SPAST: variants seen among roughly 807,000 people sequenced by gnomAD.
SPAST encodes the protein spastic paraplegia 4 (autosomal dominant; spastin).
A neutral mutation model predicts 76.6 loss-of-function variants in SPAST; 30 were observed. The observed-to-expected ratio is 0.39, with a 90% confidence interval of 0.29 to 0.53. The LOEUF is 0.53. Ranked by LOEUF, SPAST falls within the 20% of genes least tolerant of loss-of-function variation. The pLI is 0.68. For missense variants in SPAST, 717 were observed against 770.5 expected, an observed-to-expected ratio of 0.93 and a Z score of 0.82; for synonymous variants, 305 against 281.0, an observed-to-expected ratio of 1.09 and a Z score of -0.86.
At chr2:32,110,817 A>G (rs932007044) in intron 4 of SPAST, among the ~76,000 whole-genome samples, 29 of 119,014 alleles carry the variant, frequency 2.4e-4, no homozygotes, top group Non-Finnish European at 3.1e-4. Flanking sequence ...ACTATATAGT[A>G]TATAGAGTAT....
At chr2:32,124,887 G>A (rs899891150) in intron 7 of SPAST, among the ~76,000 whole-genome samples, 3 of 152,176 alleles carry the variant, frequency 2.0e-5, no homozygotes, top group Non-Finnish European at 4.4e-5. Context: ...AGGGAGACAG[G>A]GAGAGATGAA....
At chr2:32,096,351 C>G (rs892760161) in intron 3 of SPAST, among the ~76,000 whole-genome samples, 1 of 152,224 alleles carries the variant, frequency 6.6e-6, no homozygotes, top group Non-Finnish European at 1.5e-5. Context: ...AGGAGACTCT[C>G]TTGAACCCAT....
chr2:32,122,209 A>G (rs1410477138), intron 7 of SPAST, among the ~76,000 whole-genome samples: 2 of 152,182 alleles, frequency 1.3e-5, no homozygotes, highest in Non-Finnish European at 2.9e-5. Context: ...AGAATTTTCT[A>G]GTCTCTTGTT....
chr2:32,064,267 G>T, intron 1 of SPAST, 21 bp downstream of exon 1: 1 of 1,524,542 alleles, frequency 6.6e-7, no homozygotes, highest in South Asian at 1.2e-5. Context: ...GGCTGGGGGA[G>T]GGGGCGGCGG....
Position 32,087,436 on chromosome 2 carries a change from T to C in SPAST, c.416-56T>C, listed in dbSNP as rs530083728. On this transcript the variant is annotated intron_variant, in intron 1 of 16. Transcript: ENST00000315285. ...TGTATTACCTCTCAACAGCATGATT[T>C]GCAATATTTAGTGTACTCTTCATAC... 66 of 1,058,354 alleles carry C rather than the reference T, an allele frequency of 6.2e-5. 1 individual carries two copies. Among genetic ancestry groups the C allele is most frequent in the Non-Finnish European group, 9.4e-5 (64 of 684,242 alleles). The allele number at this position is 1,058,354 out of a possible 1,614,324, so 65.6% of individuals were successfully genotyped here.
At chr2:32,085,034 A>C (rs1465883705) in intron 1 of SPAST, among the ~76,000 whole-genome samples, 2 of 151,964 alleles carry the variant, frequency 1.3e-5, no homozygotes. Flanking sequence ...TTTTGTTGCC[A>C]CTCAGAATAC....
intron 16 of SPAST, among the ~76,000 whole-genome samples, chr2:32,150,360 G>A (rs999044872): frequency 2.0e-5 from 3 of 150,346 alleles, no homozygotes; most frequent in Non-Finnish European, 3.0e-5. Flanking sequence ...AAAGTGCTAG[G>A]GATTACAGGC....
chr2:32,107,240 CTTT>C (rs913336727), intron 4 of SPAST, among the ~76,000 whole-genome samples: 1 of 148,920 alleles, frequency 6.7e-6, no homozygotes, highest in Admixed American at 6.7e-5. Flanking sequence ...AAATTCGACT[CTTT>C]TTTTTTTGAG....
At chr2:32,146,205 C>T (rs1026028400) in intron 15 of SPAST, among the ~76,000 whole-genome samples, 4 of 152,042 alleles carry the variant, frequency 2.6e-5, no homozygotes, top group South Asian at 2.1e-4. Context: ...TTTCTTAGAA[C>T]GTTTTGGCTA....
intron 3 of SPAST, among the ~76,000 whole-genome samples, chr2:32,097,508 G>A (rs1318642630): frequency 6.6e-6 from 1 of 151,862 alleles, no homozygotes; most frequent in Non-Finnish European, 1.5e-5. Flanking sequence ...TTACACAAAT[G>A]GTAGGGTATT....
At chr2:32,132,200 G>C (rs1464947294) in intron 9 of SPAST, among the ~76,000 whole-genome samples, 1 of 151,852 alleles carries the variant, frequency 6.6e-6, no homozygotes, top group Non-Finnish European at 1.5e-5. Context: ...GACCAGGCTG[G>C]GCAACATGGC....
intron 4 of SPAST, among the ~76,000 whole-genome samples, chr2:32,099,113 C>T (rs954255557): frequency 6.6e-6 from 1 of 152,108 alleles, no homozygotes; most frequent in Non-Finnish European, 1.5e-5. Flanking sequence ...ATTTTGCAAC[C>T]TCTGGTTTTT....
intron 1 of SPAST, among the ~76,000 whole-genome samples, chr2:32,081,382 C>G (rs1440693720): frequency 1.3e-5 from 2 of 152,220 alleles, no homozygotes; most frequent in Non-Finnish European, 2.9e-5. Context: ...GCATGAGCCA[C>G]CACGCCTGGC....
intron 1 of SPAST, among the ~76,000 whole-genome samples, chr2:32,086,457 CTG>C (rs1432102930): frequency 7.4e-6 from 1 of 135,730 alleles, no homozygotes; most frequent in African/African-American, 2.7e-5. Context: ...CAGCAAGACT[CTG>C]TTTAAAAAAA....
chr2:32,125,887 C>T (rs895377527), intron 7 of SPAST, among the ~76,000 whole-genome samples: 8 of 152,066 alleles, frequency 5.3e-5, no homozygotes, highest in African/African-American at 1.9e-4. Flanking sequence ...CTCCGCCTCC[C>T]GGGTTCACGC....
intron 9 of SPAST, chr2:32,129,583 C>G (rs1410944214): frequency 6.6e-6 from 1 of 152,148 alleles, no homozygotes; most frequent in Non-Finnish European, 1.5e-5. Flanking sequence ...TGGTGCATTG[C>G]AAAACTGTGA....
chr2:32,117,460 G>GT (rs566035802), intron 7 of SPAST, among the ~76,000 whole-genome samples: 40 of 144,198 alleles, frequency 2.8e-4, no homozygotes, highest in Admixed American at 5.6e-4. Context: ...TTATGGGAAA[G>GT]TTTTTTTTTT....
intron 9 of SPAST, among the ~76,000 whole-genome samples, chr2:32,135,298 T>G (rs1679501316): frequency 6.6e-6 from 1 of 151,572 alleles, no homozygotes; most frequent in Non-Finnish European, 1.5e-5. Context: ...CCTGGCTAAT[T>G]TTTTGTATTT....
chr2:32,117,941 T>G (rs768309078), intron 7 of SPAST, among the ~76,000 whole-genome samples: 1 of 152,318 alleles, frequency 6.6e-6, no homozygotes, highest in Non-Finnish European at 1.5e-5. Flanking sequence ...ATTTTATGAC[T>G]TATTAAGGAA....
Sources: allele counts gnomAD v4.1 joint callset (sites outside exome capture counted in the v4.1 genomes callset), GRCh38; gene constraint gnomAD v4.1.1; transcripts MANE v1.5; gene names NCBI Gene and HGNC (gene_info 2026-07-23, HGNC 2026-07-21).